Variants in LAMA2 observed in about 807,000 individuals in gnomAD.
The protein encoded by LAMA2 is laminin subunit alpha-2.
In LAMA2, 269 loss-of-function variants were observed where a neutral mutation model predicts 364.8. The ratio of observed to expected loss-of-function variants is 0.74; its 90% CI spans 0.67 to 0.82. LAMA2 has a LOEUF of 0.82. Ranked by LOEUF, LAMA2 falls within the 40% of genes least tolerant of loss-of-function variation. The pLI, the probability that LAMA2 is intolerant of heterozygous loss-of-function variation, is 0.00. For synonymous variants in LAMA2, 1,379 were observed against 1,370.6 expected, an observed-to-expected ratio of 1.01 and a Z score of -0.14; for missense variants, 3,807 against 3,873.2, an observed-to-expected ratio of 0.98 and a Z score of 0.45.
intron 58 of LAMA2, among the ~76,000 whole-genome samples, chr6:129,496,531 A>G (rs1280818815): frequency 1.3e-5 from 2 of 152,094 alleles, no homozygotes; most frequent in South Asian, 2.1e-4. Context: ...ATTTTTTAGA[A>G]CTTTCCATCT....
At chr6:129,125,111 T>C (rs1777034441) in intron 4 of LAMA2, among the ~76,000 whole-genome samples, 1 of 152,102 alleles carries the variant, frequency 6.6e-6, no homozygotes, top group African/African-American at 2.4e-5. Context: ...CAATTTTCCG[T>C]GAGGTGTGAG....
rs6909694 is a variant in LAMA2, at chr6:129,212,772, G to T, written c.1782+19919G>T. ...CACTTAGGAAGCAGCTGCCTTTCAA[G>T]ATAATAAAATAAACAGATACAATAA... On this transcript the variant is annotated intron_variant, in intron 12 of 64. Transcript: ENST00000421865. Among the ~76,000 whole-genome samples the T allele has an allele frequency of 7.7e-3, 1,176 of 152,290 alleles. 17 individuals are homozygous for T. Among genetic ancestry groups the T allele is most frequent in the African/African-American group, 0.027 (1,135 of 41,550 alleles).
At chr6:129,048,806 G>A (rs1361663162) in intron 1 of LAMA2, among the ~76,000 whole-genome samples, 1 of 151,702 alleles carries the variant, frequency 6.6e-6, no homozygotes, top group African/African-American at 2.4e-5. Flanking sequence ...GTAGAGACAG[G>A]GTTTCACCAT....
chr6:129,376,637 C>G (rs1424212766), intron 34 of LAMA2, among the ~76,000 whole-genome samples: 1 of 152,156 alleles, frequency 6.6e-6, no homozygotes, highest in Non-Finnish European at 1.5e-5. Flanking sequence ...TGTCCCACCA[C>G]AAAGCATTGC....
At chr6:129,311,481 T>G (rs1035217887) in intron 22 of LAMA2, among the ~76,000 whole-genome samples, 4 of 152,054 alleles carry the variant, frequency 2.6e-5, no homozygotes, top group Admixed American at 6.5e-5. Flanking sequence ...ACTTATTGGG[T>G]CCTTCCAAGG....
intron 56 of LAMA2, among the ~76,000 whole-genome samples, chr6:129,488,296 C>T (rs1784696309): frequency 6.6e-6 from 1 of 152,110 alleles, no homozygotes; most frequent in Non-Finnish European, 1.5e-5. Flanking sequence ...GGCAACAGAG[C>T]AAGACTCCAA....
At chr6:129,051,885 A>G (rs1341572000) in intron 2 of LAMA2, among the ~76,000 whole-genome samples, 2 of 151,700 alleles carry the variant, frequency 1.3e-5, no homozygotes, top group African/African-American at 4.8e-5. Context: ...GCATGAACGG[A>G]GTTGTGGGGA....
At chr6:129,441,324 G>A (rs946512654) in intron 43 of LAMA2, among the ~76,000 whole-genome samples, 1 of 152,140 alleles carries the variant, frequency 6.6e-6, no homozygotes, top group Non-Finnish European at 1.5e-5. Flanking sequence ...TTGTACTTGG[G>A]TAATTATATC....
At chr6:129,267,686 TTAAC>T (rs1218657753) in intron 16 of LAMA2, among the ~76,000 whole-genome samples, 2 of 152,118 alleles carry the variant, frequency 1.3e-5, no homozygotes, top group African/African-American at 2.4e-5. Context: ...TGTTCATAAT[TTAAC>T]TAAATGCATA....
chr6:128,985,614 A>T (rs1783176827), intron 1 of LAMA2, among the ~76,000 whole-genome samples: 1 of 152,204 alleles, frequency 6.6e-6, no homozygotes, highest in South Asian at 2.1e-4. Flanking sequence ...AAAAAATGGA[A>T]GATATGGTAT....
At position 128,966,363 on chromosome 6, in the gene LAMA2, T is replaced by C. The variant is rs951683438; in HGVS notation, c.112+83006T>C. On this transcript the variant is annotated intron_variant, in intron 1 of 64. Transcript: ENST00000421865. ...CCTTAAAGATCTGAGGTAAATTATTTTTGGGAAATACAAATTTCTTTCTGT... is the reference window on the plus strand; with the variant it reads ...CCTTAAAGATCTGAGGTAAATTATTCTTGGGAAATACAAATTTCTTTCTGT... Among the ~76,000 whole-genome samples, 5 of 152,054 alleles carry C rather than the reference T, an allele frequency of 3.3e-5. No homozygotes were observed. The East Asian group carries it at 9.6e-4, about 29-fold the overall frequency.
At chr6:129,280,251 C>T (rs1249297272) in intron 18 of LAMA2, 104 bp downstream of exon 18, 3 of 766,176 alleles carry the variant, frequency 3.9e-6, no homozygotes, top group African/African-American at 1.7e-5. Context: ...AAAAAGGCCA[C>T]ACTCAATGAG....
At chr6:129,175,891 A>T (rs890118041) in intron 9 of LAMA2, among the ~76,000 whole-genome samples, 3 of 151,974 alleles carry the variant, frequency 2.0e-5, no homozygotes, top group African/African-American at 7.2e-5. Context: ...GTTCTTTGAT[A>T]ATTTGTCCTC....
chr6:129,311,942 G>T (rs1468162742), intron 22 of LAMA2, among the ~76,000 whole-genome samples: 1 of 152,108 alleles, frequency 6.6e-6, no homozygotes, highest in Non-Finnish European at 1.5e-5. Flanking sequence ...GTAAAACAAA[G>T]GAAAATGATT....
intron 55 of LAMA2, among the ~76,000 whole-genome samples, chr6:129,483,183 A>T (rs1379665329): frequency 1.3e-5 from 2 of 151,770 alleles, no homozygotes; most frequent in African/African-American, 4.8e-5. Flanking sequence ...TTTAAAAAAT[A>T]CTTAAGTAAA....
chr6:129,485,880 C>G (rs117310755), intron 55 of LAMA2, among the ~76,000 whole-genome samples: 3,401 of 152,300 alleles, frequency 0.022, 57 homozygotes, highest in Non-Finnish European at 0.037. Context: ...ACAAGGACTG[C>G]ATTCAGGCTC....
At chr6:129,227,411 T>G (rs1416597388) in intron 12 of LAMA2, among the ~76,000 whole-genome samples, 1 of 152,194 alleles carries the variant, frequency 6.6e-6, no homozygotes, top group East Asian at 1.9e-4. Flanking sequence ...GGCGCTCTGA[T>G]TTTTAGAGTT....
chr6:128,918,095 A>C (rs1210516304), intron 1 of LAMA2, among the ~76,000 whole-genome samples: 4 of 152,184 alleles, frequency 2.6e-5, no homozygotes, highest in Admixed American at 6.5e-5. Flanking sequence ...GTTGTTATAA[A>C]GTGGTATGGG....
At position 129,162,540 on chromosome 6, in the gene LAMA2, C is replaced by T. The variant is rs143204173; in HGVS notation, c.1207-3036C>T. 7.7e-3 allele frequency among the ~76,000 whole-genome samples: 1,174 copies of T among 151,874 alleles called. 43 individuals are homozygous for T. Among genetic ancestry groups the T allele is most frequent in the Admixed American group, 0.067 (1,025 of 15,226 alleles). On this transcript the variant is annotated intron_variant, in intron 8 of 64. Transcript: ENST00000421865. ...TCTGAAAATGTCTTTAATCTACTTT[C>T]ATTATTGAAGGATATTTTCCACATA...
Sources: allele counts gnomAD v4.1 joint callset (sites outside exome capture counted in the v4.1 genomes callset), GRCh38; gene constraint gnomAD v4.1.1; transcripts MANE v1.5; gene names NCBI Gene and HGNC (gene_info 2026-07-23, HGNC 2026-07-21).